JAG1: variants seen among roughly 807,000 people sequenced by gnomAD.
The protein encoded by JAG1 is jagged canonical Notch ligand 1.
Under a neutral mutation model 148.7 loss-of-function variants are expected in JAG1, and 23 were observed. The observed-to-expected ratio is 0.15, with a 90% confidence interval of 0.11 to 0.22. JAG1 has a LOEUF of 0.22. Among genes scored for constraint, JAG1 ranks in the 10% least tolerant of loss-of-function variants. The pLI is 1.00. For synonymous variants in JAG1, 572 were observed against 598.3 expected (o/e 0.96, Z 0.64); for missense variants, 1,054 against 1,611.2 (o/e 0.65, Z 5.92).
intron 4 of JAG1, among the ~76,000 whole-genome samples, chr20:10,657,464 T>C (rs1014397881): frequency 3.9e-5 from 6 of 152,030 alleles, no homozygotes; most frequent in Middle Eastern, 3.2e-3. Flanking sequence ...ATTCCAGAAA[T>C]GCCATCCTTT....
In JAG1 at chr20:10,643,838, C is replaced by T; in HGVS notation, c.2398G>A (p.Gly800Arg). 6.2e-7 allele frequency: 1 copy of T among 1,614,148 alleles called. No individual in the cohort carries two copies. Among genetic ancestry groups the T allele is most frequent in the Non-Finnish European group, 8.5e-7 (1 of 1,180,008 alleles). The part of the protein sequence containing the change: ...PCYNSGTCVD[G>R]DNWYRCECAP... ...CATTCGCACCGGTACCAGTTGTCTC[C>T]ATCCACACAGGTGCCGCTGTTGTAA... The change falls in exon 20 of 26, where the codon GGA becomes AGA. Residue 800 changes from glycine to arginine, a missense_variant. By Grantham distance (125) the Gly-to-Arg change is moderately radical. Around this residue, in one of 6 missense-constraint regions of JAG1, gnomAD observed 342 missense variants for 514.6 expected, o/e 0.66. Coordinates refer to ENST00000254958, the MANE Select transcript of JAG1 (RefSeq NM_000214.3).
chr20:10,639,426 G>T lies in JAG1; in HGVS notation c.*72C>A. ...CTAAGTCAGCAACGGCCTCAGACTC[G>T]AGTATGACACGACAGTTTAAAGAAC... is the stretch of plus-strand genomic sequence containing the variant. On this transcript the variant is annotated 3_prime_UTR_variant, in exon 26 of 26. Coordinates refer to ENST00000254958, the MANE Select transcript of JAG1 (RefSeq NM_000214.3). The T allele has an allele frequency of 7.4e-7, 1 of 1,352,374 alleles. No individual in the cohort carries two copies. Among genetic ancestry groups the T allele is most frequent in the Non-Finnish European group, 1.1e-6 (1 of 941,326 alleles). The allele number at this position is 1,352,374 out of a possible 1,614,324, so 83.8% of individuals were successfully genotyped here. A position where few individuals can be genotyped will look rare whatever the true frequency, so the allele number is the denominator to read the frequency against.
At chr20:10,667,527 G>A (rs910523043) in intron 2 of JAG1, among the ~76,000 whole-genome samples, 2 of 152,192 alleles carry the variant, frequency 1.3e-5, no homozygotes, top group African/African-American at 2.4e-5. Flanking sequence ...CATGTGTGGC[G>A]CATGCACACG....
At chr20:10,656,516 T>C (rs1012581053) in intron 4 of JAG1, 58 bp from the exon 5 acceptor site, 2 of 1,417,514 alleles carry the variant, frequency 1.4e-6, no homozygotes, top group Non-Finnish European at 2.0e-6. Flanking sequence ...ATCGCCCCGG[T>C]CATGAGAATG....
At chr20:10,647,612 G>T (rs527239834) in intron 13 of JAG1, among the ~76,000 whole-genome samples, 1 of 152,314 alleles carries the variant, frequency 6.6e-6, no homozygotes, top group Admixed American at 6.5e-5. Flanking sequence ...ATACCTGACC[G>T]TGCAGATACA....
intron 2 of JAG1, among the ~76,000 whole-genome samples, chr20:10,665,605 C>G (rs1054879239): frequency 6.6e-6 from 1 of 152,198 alleles, no homozygotes; most frequent in Non-Finnish European, 1.5e-5. Context: ...GAGGTAAGAG[C>G]ACAGTCAAAA....
intron 2 of JAG1, among the ~76,000 whole-genome samples, chr20:10,667,747 G>C (rs1403190131): frequency 1.3e-5 from 2 of 152,072 alleles, no homozygotes; most frequent in African/African-American, 4.8e-5. Context: ...CTCATATCCA[G>C]ATTTGTGACT....
At position 10,658,635 on chromosome 20, in the gene JAG1, A is replaced by G. The variant is rs753252261; in HGVS notation, c.527T>C (p.Val176Ala). 6.2e-7 allele frequency: 1 copy of G among 1,614,196 alleles called. No individual in the cohort carries two copies. The highest frequency in any genetic ancestry group is 8.5e-7 in the Non-Finnish European group (1 of 1,180,032). The change falls in exon 4 of 26, where the codon GTT becomes GCT. Residue 176 changes from valine to alanine, a missense_variant. Physicochemically the swap from Val to Ala is moderately conservative, Grantham distance 64. Transcript: ENST00000254958. ...QWQTLKQNTG[V>A]AHFEYQIRVT... Reference sequence around the variant, plus strand: ...GCGGATCTGATACTCAAAGTGGGCAACGCCCGTGTTCTGCTTCAGCGTCTG... The same window carrying G: ...GCGGATCTGATACTCAAAGTGGGCAGCGCCCGTGTTCTGCTTCAGCGTCTG...
rs146144464 is a variant in JAG1, at chr20:10,638,879, G to A, written c.*619C>T. 4.7e-3 allele frequency: 721 copies of A among 153,800 alleles called. 1 individual carries two copies. The highest frequency in any genetic ancestry group is 7.7e-3 in the Non-Finnish European group (528 of 68,840). The allele number at this position is 153,800 out of a possible 1,614,324, so 9.5% of individuals were successfully genotyped here. ...TAAGTTAATAAATCAAATATACACA[G>A]TGATTAATAAAAAAGAATTATTTAC... On this transcript the variant is annotated 3_prime_UTR_variant, in exon 26 of 26. Transcript: ENST00000254958.
chr20:10,644,576 A>G, intron 18 of JAG1, 192 bp from the exon 19 acceptor site: 1 of 669,806 alleles, frequency 1.5e-6, no homozygotes, highest in Non-Finnish European at 2.7e-6. Flanking sequence ...ACATGTACAC[A>G]GGAAGAGGCC....
chr20:10,651,525 G>T, intron 8 of JAG1, 56 bp downstream of exon 8: 2 of 1,181,178 alleles, frequency 1.7e-6, no homozygotes, highest in Non-Finnish European at 2.5e-6. Flanking sequence ...TCTCCCCAGC[G>T]TGGTATCTTG....
At chr20:10,657,350 T>TAAAAAA (rs34844219) in intron 4 of JAG1, among the ~76,000 whole-genome samples, 3 of 141,214 alleles carry the variant, frequency 2.1e-5, no homozygotes, top group Non-Finnish European at 3.1e-5. Flanking sequence ...CACCTTATCT[T>TAAAAAA]AAAAAAAAAA....
Position 10,645,399 on chromosome 20 carries a change from G to A in JAG1, c.2070C>T (p.Tyr690=). ...CTTTCCACCCATTTTTACAGTCACA[G>A]TAGAAGTCATTGACCAGGTCGCGAC... The part of the protein sequence containing the change: ...GTCRDLVNDF[Y]CDCKNGWKGK... Residue 690 remains tyrosine, a synonymous_variant, in exon 16 of 26, where the codon TAC becomes TAT. Coordinates refer to ENST00000254958, the MANE Select transcript of JAG1 (RefSeq NM_000214.3). This position sits in a 1 kb window ranked among gnomAD's most constrained non-coding sequence, Gnocchi z 6.1. The A allele has an allele frequency of 6.2e-7, 1 of 1,612,908 alleles. No homozygotes were observed. The highest frequency in any genetic ancestry group is 8.5e-7 in the Non-Finnish European group (1 of 1,179,830).
At chr20:10,671,695 AG>A (rs1256544146) in intron 2 of JAG1, among the ~76,000 whole-genome samples, 2 of 152,076 alleles carry the variant, frequency 1.3e-5, no homozygotes, top group Non-Finnish European at 2.9e-5. Context: ...CCTGGACAGC[AG>A]GAGCCAGGCA....
rs1303814343 is a variant in JAG1, at chr20:10,672,248, C to G, written c.387+453G>C. Among the ~76,000 whole-genome samples the G allele has an allele frequency of 4.6e-5, 7 of 152,322 alleles. No individual in the cohort carries two copies. In the East Asian group the frequency reaches 5.8e-4, roughly 13 times the overall value. ...TCCAGGAAGGACACACCCGCCCTCC[C>G]GGCCGTTCACGGGAAAGGGGAGGTT... On this transcript the variant is annotated intron_variant, in intron 2 of 25. Coordinates refer to ENST00000254958, the MANE Select transcript of JAG1 (RefSeq NM_000214.3).
At chr20:10,668,396 G>A (rs2067471497) in intron 2 of JAG1, among the ~76,000 whole-genome samples, 2 of 152,196 alleles carry the variant, frequency 1.3e-5, no homozygotes, top group South Asian at 4.1e-4. Context: ...AGGCTTGAAG[G>A]ATGGGGGTAG....
intron 2 of JAG1, among the ~76,000 whole-genome samples, chr20:10,670,496 C>T (rs1299211507): frequency 6.6e-6 from 1 of 152,084 alleles, no homozygotes; most frequent in Non-Finnish European, 1.5e-5. Flanking sequence ...GAAGCTGTGC[C>T]CTCTAGTTAA....
At position 10,641,710 on chromosome 20, in the gene JAG1, G is replaced by A; in HGVS notation, c.2683-17C>T. On this transcript the variant is annotated splice_polypyrimidine_tract_variant and intron_variant, in intron 22 of 25. Coordinates refer to ENST00000254958, the MANE Select transcript of JAG1 (RefSeq NM_000214.3). ...ACACCAGACCTGGAGAAAAACAGAAGCTGGCAGCTTAGCAGGCATGCTCAT... is the reference window on the plus strand; with the variant it reads ...ACACCAGACCTGGAGAAAAACAGAAACTGGCAGCTTAGCAGGCATGCTCAT... 2 of 1,613,078 alleles carry A rather than the reference G, an allele frequency of 1.2e-6. No individual in the cohort carries two copies. Among genetic ancestry groups the A allele is most frequent in the Admixed American group, 3.3e-5 (2 of 60,030 alleles).
rs372951958 is a variant in JAG1 at position 10,650,299 on chromosome 20, G to A, written c.1182C>T (p.Asn394=). 125 of 1,613,924 alleles carry A rather than the reference G, an allele frequency of 7.7e-5. No homozygotes were observed. Among genetic ancestry groups the A allele is most frequent in the Non-Finnish European group, 1.0e-4 (119 of 1,179,940 alleles). The part of the protein sequence containing the change: ...SHGGTCQDLV[N]GFKCVCPPQW... ...GTGGGGGGCACACACACTTAAATCC[G>A]TTAACCAGGTCCTGGCAGGTGCCCC... Residue 394 remains asparagine (N), a synonymous_variant, in exon 9 of 26, where the codon AAC becomes AAT. Transcript: ENST00000254958.
Sources: allele counts gnomAD v4.1 joint callset (sites outside exome capture counted in the v4.1 genomes callset), GRCh38; gene constraint gnomAD v4.1.1; regional missense constraint gnomAD v4.1.1; non-coding constraint Gnocchi (gnomAD v3.1); transcripts MANE v1.5; gene names NCBI Gene and HGNC (gene_info 2026-07-23, HGNC 2026-07-21).